Variants in TLN2 observed in about 807,000 individuals in gnomAD.
TLN2 encodes talin 2.
A neutral mutation model predicts 294.7 loss-of-function variants in TLN2; 118 were observed. That is an observed-to-expected ratio of 0.40 (90% CI 0.34 to 0.47). The LOEUF (loss-of-function observed/expected upper bound fraction) is 0.47, where lower values mean the gene tolerates loss of function less well. Ranked by LOEUF, TLN2 falls within the 20% of genes least tolerant of loss-of-function variation. The pLI, the probability that TLN2 is intolerant of heterozygous loss-of-function variation, is 0.84. For missense variants in TLN2, 3,083 were observed against 3,282.2 expected (o/e 0.94, Z 1.48); for synonymous variants, 1,431 against 1,304.5 (o/e 1.10, Z -2.09).
intron 54 of TLN2, among the ~76,000 whole-genome samples, chr15:62,823,086 A>G (rs1448300605): frequency 6.6e-6 from 1 of 152,184 alleles, no homozygotes; most frequent in Non-Finnish European, 1.5e-5. Context: ...CAAGGTTAAC[A>G]TAACTGATGA....
intron 28 of TLN2, among the ~76,000 whole-genome samples, chr15:62,733,068 A>T (rs1006156046): frequency 6.6e-6 from 1 of 152,078 alleles, no homozygotes; most frequent in Non-Finnish European, 1.5e-5. Flanking sequence ...GCCAACAGGG[A>T]GTGGTAGAGT....
intron 28 of TLN2, among the ~76,000 whole-genome samples, chr15:62,731,756 T>C (rs1020240614): frequency 6.6e-6 from 1 of 152,204 alleles, no homozygotes; most frequent in African/African-American, 2.4e-5. Flanking sequence ...CTTGGCCCTC[T>C]TTACCTTGGT....
intron 1 of TLN2, among the ~76,000 whole-genome samples, chr15:62,413,829 A>C (rs1368337164): frequency 2.6e-5 from 4 of 152,210 alleles, no homozygotes; most frequent in African/African-American, 9.6e-5. Context: ...TTTGACATTT[A>C]TGTTGCACAG....
At chr15:62,427,704 T>TG (rs1235086665) in intron 1 of TLN2, among the ~76,000 whole-genome samples, 1 of 152,146 alleles carries the variant, frequency 6.6e-6, no homozygotes, top group Non-Finnish European at 1.5e-5. Context: ...CATGTCTCTC[T>TG]GGGGCAGTTG....
At chr15:62,704,252 A>G (rs762909518) in intron 19 of TLN2, among the ~76,000 whole-genome samples, 1 of 152,154 alleles carries the variant, frequency 6.6e-6, no homozygotes, top group African/African-American at 2.4e-5. Flanking sequence ...AAATAACGTA[A>G]TGTTTTTATT....
intron 11 of TLN2, among the ~76,000 whole-genome samples, chr15:62,678,324 GAATT>G (rs2056459905): frequency 6.6e-6 from 1 of 152,062 alleles, no homozygotes; most frequent in Non-Finnish European, 1.5e-5. Context: ...TCAATATTAA[GAATT>G]AATGAACCTG....
chr15:62,840,763 G>A lies in TLN2; in HGVS notation c.*153G>A, dbSNP rs112547592. The A allele has an allele frequency of 2.7e-3, 2,900 of 1,064,238 alleles. 56 individuals carry two copies. The African/African-American group carries it at 0.04, about 15-fold the overall frequency. 65.9% of individuals were successfully genotyped at this position (1,064,238 alleles called of 1,614,324 possible). A position where few individuals can be genotyped will look rare whatever the true frequency, so the allele number is the denominator to read the frequency against. ...GTGCTTGTTCTCACATCTCTGTCCC[G>A]TCGGCACTGGCTGCATGATCGTGAT... is the stretch of plus-strand genomic sequence containing the variant. On this transcript the variant is annotated 3_prime_UTR_variant, in exon 59 of 59. Transcript: ENST00000636159.
chr15:62,495,191 A>G (rs190619430), intron 1 of TLN2, among the ~76,000 whole-genome samples: 1 of 152,298 alleles, frequency 6.6e-6, no homozygotes, highest in East Asian at 1.9e-4. Context: ...ATTTCCAGTC[A>G]TTTATCTAGT....
intron 41 of TLN2, among the ~76,000 whole-genome samples, chr15:62,768,827 G>A (rs2063178981): frequency 6.6e-6 from 1 of 152,156 alleles, no homozygotes; most frequent in East Asian, 1.9e-4. Context: ...CCTATTTGGC[G>A]GTTAGCATGG....
At chr15:62,796,500 T>C (rs1319010599) in intron 47 of TLN2, among the ~76,000 whole-genome samples, 1 of 152,234 alleles carries the variant, frequency 6.6e-6, no homozygotes, top group Non-Finnish European at 1.5e-5. Context: ...GCTTTGCCTT[T>C]GACAGCCTTA....
intron 1 of TLN2, among the ~76,000 whole-genome samples, chr15:62,578,096 A>G (rs187671297): frequency 6.6e-6 from 1 of 152,214 alleles, no homozygotes; most frequent in African/African-American, 2.4e-5. Flanking sequence ...TCTATCACTG[A>G]TGGACATTTG....
intron 6 of TLN2, among the ~76,000 whole-genome samples, chr15:62,652,833 T>A (rs73435621): frequency 2.6e-5 from 4 of 152,312 alleles, no homozygotes; most frequent in Non-Finnish European, 5.9e-5. Flanking sequence ...AGATTCTGTA[T>A]TGTAGTGACA....
At chr15:62,799,967 C>T (rs1440219948) in intron 48 of TLN2, among the ~76,000 whole-genome samples, 1 of 152,186 alleles carries the variant, frequency 6.6e-6, no homozygotes, top group African/African-American at 2.4e-5. Context: ...GCAGGCAGGG[C>T]TGTTGTGGGG....
intron 1 of TLN2, among the ~76,000 whole-genome samples, chr15:62,437,992 C>T (rs2035375097): frequency 6.6e-6 from 1 of 152,188 alleles, no homozygotes; most frequent in South Asian, 2.1e-4. Flanking sequence ...CCCACTCTCG[C>T]CTCTGGTGGC....
At chr15:62,535,744 G>A (rs949974192) in intron 1 of TLN2, among the ~76,000 whole-genome samples, 6 of 151,998 alleles carry the variant, frequency 3.9e-5, no homozygotes, top group African/African-American at 1.4e-4. Context: ...TAGTAGAGAC[G>A]GGGTTTCACT....
At chr15:62,544,999 G>A (rs866277894) in intron 1 of TLN2, among the ~76,000 whole-genome samples, 6 of 151,754 alleles carry the variant, frequency 4.0e-5, no homozygotes, top group African/African-American at 1.5e-4. Context: ...TTGCGATCTC[G>A]GCTCACTGCA....
In TLN2 at chr15:62,752,220, A is replaced by G. The variant is rs896301849; in HGVS notation, c.4210-85A>G. 12 of 1,508,912 alleles carry G rather than the reference A, an allele frequency of 8.0e-6. No individual in the cohort carries two copies. The African/African-American group carries it at 1.7e-4, about 21-fold the overall frequency. The allele number at this position is 1,508,912 out of a possible 1,614,324, so 93.5% of individuals were successfully genotyped here. ...AATGTTCCAAATTAAGTTGCCTTGA[A>G]TATTAAAGTTGGAGTGTAGCCTCCT... On this transcript the variant is annotated intron_variant, in intron 34 of 58. Transcript: ENST00000636159.
chr15:62,610,377 C>T (rs959647797), intron 2 of TLN2, among the ~76,000 whole-genome samples: 1 of 152,118 alleles, frequency 6.6e-6, no homozygotes, highest in Non-Finnish European at 1.5e-5. Context: ...AGTACATAAC[C>T]TTGTTTTATG....
intron 43 of TLN2, among the ~76,000 whole-genome samples, chr15:62,780,357 T>G (rs1483166150): frequency 2.0e-5 from 3 of 152,210 alleles, no homozygotes; most frequent in African/African-American, 7.2e-5. Flanking sequence ...TGTATATAGT[T>G]CTTGACCAGG....
Sources: allele counts gnomAD v4.1 joint callset (sites outside exome capture counted in the v4.1 genomes callset), GRCh38; gene constraint gnomAD v4.1.1; transcripts MANE v1.5; gene names NCBI Gene and HGNC (gene_info 2026-07-23, HGNC 2026-07-21).